REV3L: variants seen among roughly 807,000 people sequenced by gnomAD.
The protein encoded by REV3L is REV3 like, DNA directed polymerase zeta catalytic subunit.
In REV3L, 69 loss-of-function variants were observed where a neutral mutation model predicts 299.4. The ratio of observed to expected loss-of-function variants is 0.23; its 90% CI spans 0.19 to 0.28. The LOEUF (loss-of-function observed/expected upper bound fraction) is 0.28. Among genes scored for constraint, REV3L ranks in the 10% least tolerant of loss-of-function variants. The pLI is 1.00. For synonymous variants in REV3L, 1,238 were observed against 1,271.4 expected, an observed-to-expected ratio of 0.97 and a Z score of 0.56; for missense variants, 3,128 against 3,693.8, an observed-to-expected ratio of 0.85 and a Z score of 3.97.
chr6:111,481,184 T>C (rs1209968785), intron 1 of REV3L, among the ~76,000 whole-genome samples: 1 of 152,212 alleles, frequency 6.6e-6, no homozygotes, highest in African/African-American at 2.4e-5. Flanking sequence ...TATTAGCATG[T>C]CACTTTATGA....
intron 1 of REV3L, among the ~76,000 whole-genome samples, chr6:111,469,376 T>G (rs971650691): frequency 1.3e-5 from 2 of 152,190 alleles, no homozygotes; most frequent in Non-Finnish European, 1.5e-5. Flanking sequence ...TCTGAACTGT[T>G]GAATAAATTG....
intron 2 of REV3L, among the ~76,000 whole-genome samples, chr6:111,414,636 T>A (rs1458415612): frequency 6.6e-6 from 1 of 152,160 alleles, no homozygotes; most frequent in East Asian, 1.9e-4. Context: ...ATTTAAGGTC[T>A]CCACTTGGAT....
intron 1 of REV3L, among the ~76,000 whole-genome samples, chr6:111,432,581 CA>C (rs1431474360): frequency 6.6e-6 from 1 of 152,174 alleles, no homozygotes; most frequent in Non-Finnish European, 1.5e-5. Flanking sequence ...AAAGGAGAGA[CA>C]GACTGCAATA....
intron 26 of REV3L, among the ~76,000 whole-genome samples, chr6:111,317,301 T>G (rs542189826): frequency 6.6e-6 from 1 of 152,324 alleles, no homozygotes; most frequent in South Asian, 2.1e-4. Flanking sequence ...AAGTAGTTTA[T>G]TCAACTCTAC....
chr6:111,355,882 T>C (rs1012222030), intron 18 of REV3L, among the ~76,000 whole-genome samples: 2 of 152,156 alleles, frequency 1.3e-5, no homozygotes, highest in Non-Finnish European at 2.9e-5. Flanking sequence ...CTCAAATAGA[T>C]GGGAATCTAT....
intron 12 of REV3L, 40 bp from the exon 13 acceptor site, chr6:111,376,797 CTTTTAAT>C: frequency 6.9e-7 from 1 of 1,452,642 alleles, no homozygotes; most frequent in Non-Finnish European, 9.1e-7. Context: ...TCATTTTACT[CTTTTAAT>C]TTTTAAGACA....
rs1215402797 is a variant in REV3L at position 111,299,501 on chromosome 6, A to C, written c.*515T>G. 6.5e-6 allele frequency: 1 copy of C among 152,708 alleles called. No homozygotes were observed. The highest frequency in any genetic ancestry group is 1.5e-5 in the Non-Finnish European group (1 of 68,096). 9.5% of individuals were successfully genotyped at this position (152,708 alleles called of 1,614,324 possible). A position where few individuals can be genotyped will look rare whatever the true frequency, so the allele number is the denominator to read the frequency against. The stretch of plus-strand genomic sequence containing the variant: ...TTTGAGTCAAGCAAAACCTAGAGGA[A>C]ATATACCAAACAACTTGAAAATCAT... On this transcript the variant is annotated 3_prime_UTR_variant, in exon 32 of 32. Transcript: ENST00000368802.
In REV3L at chr6:111,375,621, G is replaced by A. The variant is rs147790346; in HGVS notation, c.2734C>T (p.Leu912=). The A allele has an allele frequency of 3.3e-5, 53 of 1,613,604 alleles. No homozygotes were observed. Among genetic ancestry groups the A allele is most frequent in the Non-Finnish European group, 4.4e-5 (52 of 1,179,862 alleles). ...GTLETEQSFG[L]YGNKYTLRAK... ...CTAAGTGTGTATTTATTTCCATATA[G>A]TCCAAAGGACTGCTCAGTTTCTAAC... Residue 912 remains leucine, a synonymous_variant, in exon 13 of 32, where the codon CTA becomes TTA. Transcript: ENST00000368802.
chr6:111,369,771 A>G (rs555654936), intron 13 of REV3L, among the ~76,000 whole-genome samples: 64 of 152,310 alleles, frequency 4.2e-4, no homozygotes, highest in Non-Finnish European at 8.7e-4. Flanking sequence ...CTGTTACTAC[A>G]TGGAAAAATG....
At chr6:111,348,542 A>G (rs2114930131) in intron 20 of REV3L, among the ~76,000 whole-genome samples, 1 of 152,314 alleles carries the variant, frequency 6.6e-6, no homozygotes, top group East Asian at 1.9e-4. Context: ...AATTTTTCTT[A>G]CTATAATAAA....
rs562283090 is a variant in REV3L at position 111,482,823 on chromosome 6, G to C, written c.66C>G (p.Thr22=). 24 of 1,506,630 alleles carry C rather than the reference G, an allele frequency of 1.6e-5. No individual in the cohort carries two copies. The highest frequency in any genetic ancestry group is 9.2e-5 in the South Asian group (7 of 76,118). 93.3% of individuals were successfully genotyped at this position (1,506,630 alleles called of 1,614,324 possible). A position where few individuals can be genotyped will look rare whatever the true frequency, so the allele number is the denominator to read the frequency against. ...YMASPLQGLD[T]CQSPLTQAPV... ...GGGCCTGGGTGAGGGGGGATTGGCA[G>C]GTATCCAGCCCCTGCAGCGGGCTGG... Residue 22 remains threonine (T), a synonymous_variant, in exon 1 of 32, where the codon ACC becomes ACG. Transcript: ENST00000368802.
chr6:111,450,613 A>G (rs929822296), intron 1 of REV3L, among the ~76,000 whole-genome samples: 5 of 152,120 alleles, frequency 3.3e-5, no homozygotes, highest in African/African-American at 1.2e-4. Flanking sequence ...CCAAAAAAAC[A>G]AAACAAAACA....
At chr6:111,447,220 C>T (rs1371004907) in intron 1 of REV3L, among the ~76,000 whole-genome samples, 3 of 152,172 alleles carry the variant, frequency 2.0e-5, no homozygotes, top group Non-Finnish European at 4.4e-5. Context: ...AAAACTTAGC[C>T]TTTAGCCTCT....
intron 21 of REV3L, among the ~76,000 whole-genome samples, chr6:111,342,479 T>C (rs1413144973): frequency 6.6e-6 from 1 of 151,942 alleles, no homozygotes; most frequent in Non-Finnish European, 1.5e-5. Context: ...CCATCCTGGC[T>C]AACATGGTGA....
At chr6:111,469,160 A>G (rs1791877555) in intron 1 of REV3L, among the ~76,000 whole-genome samples, 1 of 152,078 alleles carries the variant, frequency 6.6e-6, no homozygotes, top group Non-Finnish European at 1.5e-5. Flanking sequence ...AGACTGTTTC[A>G]AACAACAACA....
intron 9 of REV3L, among the ~76,000 whole-genome samples, chr6:111,385,219 T>C (rs1781228763): frequency 6.6e-6 from 1 of 152,016 alleles, no homozygotes; most frequent in Admixed American, 6.6e-5. Context: ...TCAACAATAA[T>C]CTATTGTATA....
intron 1 of REV3L, among the ~76,000 whole-genome samples, chr6:111,434,224 C>T (rs1260465089): frequency 6.6e-6 from 1 of 152,028 alleles, no homozygotes; most frequent in African/African-American, 2.4e-5. Context: ...TAAAGAGTAT[C>T]CAAATTGGAA....
chr6:111,336,221 CCTT>C (rs975822800), intron 21 of REV3L, among the ~76,000 whole-genome samples: 2 of 151,854 alleles, frequency 1.3e-5, no homozygotes, highest in Admixed American at 6.6e-5. Flanking sequence ...CTTTACCTTA[CCTT>C]CTTAAGAAAA....
chr6:111,444,752 C>G (rs1788644213), intron 1 of REV3L, among the ~76,000 whole-genome samples: 1 of 152,142 alleles, frequency 6.6e-6, no homozygotes, highest in Non-Finnish European at 1.5e-5. Flanking sequence ...TAGGCTTTCT[C>G]TACTCCAGTA....
Sources: gnomAD v4.1 joint callset for allele counts (sites outside exome capture counted in the v4.1 genomes callset) on GRCh38, gnomAD v4.1.1 for gene constraint, MANE v1.5 for transcripts, NCBI Gene and HGNC (gene_info 2026-07-23, HGNC 2026-07-21) for gene names.